The following DLC1 variants were observed in gnomAD, a reference collection of about 807,000 sequenced individuals.
DLC1 encodes rho GTPase-activating protein 7.
DLC1 carries 54 observed loss-of-function variants against 140.3 expected under a neutral mutation model. That is an observed-to-expected ratio of 0.38 (90% CI 0.31 to 0.48). The LOEUF (loss-of-function observed/expected upper bound fraction) is 0.48. Among genes scored for constraint, DLC1 ranks in the 20% least tolerant of loss-of-function variants. DLC1 has a pLI of 0.96. For synonymous variants in DLC1, 986 were observed against 728.1 expected, an observed-to-expected ratio of 1.35 and a Z score of -5.70; for missense variants, 2,536 against 1,907.0, an observed-to-expected ratio of 1.33 and a Z score of -6.14.
intron 1 of DLC1, among the ~76,000 whole-genome samples, chr8:13,602,680 A>T (rs1044749416): frequency 6.6e-6 from 1 of 151,894 alleles, no homozygotes. Context: ...CAGAATTTTT[A>T]TGTATCTTAA....
rs200774562 is a variant in DLC1, at chr8:13,393,134, GTCCATCCA to G, written c.1314+411_1314+418del. On this transcript the variant is annotated intron_variant, in intron 4 of 17. Coordinates refer to ENST00000276297, the MANE Select transcript of DLC1 (RefSeq NM_182643.3). ...TCCTTATCAATCAATCAGTCTATCT[GTCCATCCA>G]TCCATCCATCCATCCATCCATCATC... Among the ~76,000 whole-genome samples, 19 of 151,526 alleles carry G rather than the reference GTCCATCCA, an allele frequency of 1.3e-4. No homozygotes were observed. The East Asian group carries it at 1.8e-3, about 14-fold the overall frequency.
intron 4 of DLC1, among the ~76,000 whole-genome samples, chr8:13,372,008 C>G (rs947617315): frequency 6.6e-6 from 1 of 152,154 alleles, no homozygotes; most frequent in South Asian, 2.1e-4. Flanking sequence ...GCCAGATCCT[C>G]TTGAAAATGC....
rs1169620786 is a variant in DLC1 at position 13,451,037 on chromosome 8, C to CAAAAAAAAAAAAAAAAAAAA, written c.1023+47992_1023+48011dup. On this transcript the variant is annotated intron_variant, in intron 2 of 17. Transcript: ENST00000276297. ...CTGGTGATAGAGTGAGACTCCGTCT[C>CAAAAAAAAAAAAAAAAAAAA]AAAAAAAAAAAAAAAAAAAAAAAAA... 2.1e-3 allele frequency among the ~76,000 whole-genome samples: 38 copies of CAAAAAAAAAAAAAAAAAAAA among 18,374 alleles called. 6 individuals are homozygous for CAAAAAAAAAAAAAAAAAAAA. Among genetic ancestry groups the CAAAAAAAAAAAAAAAAAAAA allele is most frequent in the East Asian group, 0.011 (4 of 374 alleles). The allele number at this position is 18,374 out of a possible 152,430, so 12.1% of individuals were successfully genotyped here.
chr8:13,412,877 A>C (rs374587496), intron 2 of DLC1, among the ~76,000 whole-genome samples: 1 of 146,894 alleles, frequency 6.8e-6, no homozygotes, highest in African/African-American at 2.5e-5. Flanking sequence ...GCTTGCAGTA[A>C]GCTGAGATCG....
chr8:13,254,312 A>G (rs749123035), intron 5 of DLC1, among the ~76,000 whole-genome samples: 11 of 152,294 alleles, frequency 7.2e-5, no homozygotes, highest in Non-Finnish European at 1.6e-4. Flanking sequence ...AGGCCAGAAC[A>G]CGCCTCCTAC....
At chr8:13,481,654 CTG>C (rs1800742911) in intron 2 of DLC1, among the ~76,000 whole-genome samples, 1 of 152,172 alleles carries the variant, frequency 6.6e-6, no homozygotes, top group Non-Finnish European at 1.5e-5. Flanking sequence ...TTATATGAAA[CTG>C]TGCTTGGCAC....
chr8:13,381,594 C>G (rs183965034), intron 4 of DLC1, among the ~76,000 whole-genome samples: 1 of 152,144 alleles, frequency 6.6e-6, no homozygotes, highest in Non-Finnish European at 1.5e-5. Flanking sequence ...GCTTCTATGA[C>G]GTAAGAACAT....
At chr8:13,291,586 T>A (rs1228756074) in intron 5 of DLC1, among the ~76,000 whole-genome samples, 2 of 152,190 alleles carry the variant, frequency 1.3e-5, no homozygotes, top group African/African-American at 4.8e-5. Context: ...ATGCATTATG[T>A]CCATGTCACT....
At chr8:13,549,121 C>A (rs1343515384) in intron 1 of DLC1, among the ~76,000 whole-genome samples, 3 of 151,940 alleles carry the variant, frequency 2.0e-5, no homozygotes, top group Non-Finnish European at 4.4e-5. Context: ...TACTCTGGGG[C>A]TGGCAAAAAT....
chr8:13,586,589 G>GCA (rs3066494), intron 1 of DLC1, among the ~76,000 whole-genome samples: 3,224 of 143,002 alleles, frequency 0.023, 34 homozygotes, highest in South Asian at 0.031. Context: ...AGATGCACAT[G>GCA]CACACACACA....
chr8:13,302,377 C>A (rs959740760), intron 5 of DLC1, among the ~76,000 whole-genome samples: 5 of 152,272 alleles, frequency 3.3e-5, no homozygotes, highest in Non-Finnish European at 7.3e-5. Context: ...ATGACTGAAT[C>A]CATAAAAGGC....
chr8:13,095,913 C>T (rs1316979412), intron 10 of DLC1: 1 of 152,162 alleles, frequency 6.6e-6, no homozygotes, highest in African/African-American at 2.4e-5. Context: ...GCTGATGACC[C>T]GGAGAACATT....
chr8:13,510,834 C>G (rs1182011895), intron 1 of DLC1, among the ~76,000 whole-genome samples: 1 of 152,148 alleles, frequency 6.6e-6, no homozygotes, highest in African/African-American at 2.4e-5. Context: ...TTGTTAACCT[C>G]TGGCCCCAGG....
chr8:13,538,133 T>C (rs1314144993), intron 1 of DLC1, among the ~76,000 whole-genome samples: 2 of 152,122 alleles, frequency 1.3e-5, no homozygotes, highest in African/African-American at 4.8e-5. Context: ...TTACAAACTA[T>C]CTGAGGTTCT....
chr8:13,571,590 T>C (rs1368012332), intron 1 of DLC1, among the ~76,000 whole-genome samples: 5 of 152,230 alleles, frequency 3.3e-5, no homozygotes, highest in African/African-American at 9.6e-5. Context: ...GTAACGTGTA[T>C]GTGTATTCAT....
chr8:13,341,418 C>A (rs879276826), intron 4 of DLC1: 1 of 152,074 alleles, frequency 6.6e-6, no homozygotes, highest in African/African-American at 2.4e-5. Context: ...CAAGGAGGGC[C>A]TGTTAAAATG....
chr8:13,163,447 G>A (rs927904154), intron 5 of DLC1, among the ~76,000 whole-genome samples: 5 of 152,088 alleles, frequency 3.3e-5, no homozygotes, highest in Non-Finnish European at 1.5e-5. Context: ...GCATTAAGGT[G>A]GAGAATAAGT....
At chr8:13,351,773 C>A (rs544629656) in intron 4 of DLC1, among the ~76,000 whole-genome samples, 1 of 152,172 alleles carries the variant, frequency 6.6e-6, no homozygotes, top group African/African-American at 2.4e-5. Context: ...AATAATAATT[C>A]CCTGGATGTC....
chr8:13,556,517 C>A (rs1345846644), intron 1 of DLC1, among the ~76,000 whole-genome samples: 8 of 152,132 alleles, frequency 5.3e-5, no homozygotes, highest in African/African-American at 1.9e-4. Flanking sequence ...TGGTACACTG[C>A]CTCTTCTGAA....
Sources: allele counts gnomAD v4.1 joint callset (sites outside exome capture counted in the v4.1 genomes callset), GRCh38; gene constraint gnomAD v4.1.1; transcripts MANE v1.5; gene names NCBI Gene and HGNC (gene_info 2026-07-23, HGNC 2026-07-21).